The following HTR1E variants were observed in gnomAD, a reference collection of about 807,000 sequenced individuals.
The protein encoded by HTR1E is 5-hydroxytryptamine receptor 1E.
In HTR1E, 3 loss-of-function variants were observed where a neutral mutation model predicts 3.4. The ratio of observed to expected loss-of-function variants is 0.89; its 90% CI spans 0.41 to 2.31. The LOEUF is 2.31. Among genes scored for constraint, HTR1E ranks in the 30% most tolerant of loss-of-function variants. The probability of loss-of-function intolerance (pLI) is 0.05; values close to 1 mark genes in which losing one functional copy is unlikely to be tolerated. For synonymous variants in HTR1E, 170 were observed against 182.8 expected (o/e 0.93, Z 0.56); for missense variants, 392 against 467.0 (o/e 0.84, Z 1.48).
chr6:87,010,701 C>T (rs903647292), intron 1 of HTR1E, among the ~76,000 whole-genome samples: 4 of 144,608 alleles, frequency 2.8e-5, no homozygotes, highest in South Asian at 2.3e-4. Context: ...ACATCCCAGA[C>T]GATGGGCGGC....
At chr6:86,966,481 T>C (rs984935951) in intron 1 of HTR1E, among the ~76,000 whole-genome samples, 28 of 152,316 alleles carry the variant, frequency 1.8e-4, no homozygotes, top group African/African-American at 6.7e-4. Context: ...CTCTGGAATC[T>C]TGGGCAATTG....
intron 1 of HTR1E, among the ~76,000 whole-genome samples, chr6:86,982,597 CA>C (rs1233555632): frequency 6.8e-6 from 1 of 146,014 alleles, no homozygotes; most frequent in African/African-American, 2.7e-5. Flanking sequence ...CTTGTGTCTT[CA>C]GCTTAAATTA....
intron 1 of HTR1E, among the ~76,000 whole-genome samples, chr6:86,958,057 A>ATTTTT (rs1247030477): frequency 7.6e-6 from 1 of 131,220 alleles, no homozygotes. Context: ...CAATAGAGGC[A>ATTTTT]TTTTTTTTTT....
chr6:87,014,968 T>A (rs1224201999), intron 1 of HTR1E, among the ~76,000 whole-genome samples, 182 bp from the exon 2 acceptor site: 1 of 151,846 alleles, frequency 6.6e-6, no homozygotes, highest in African/African-American at 2.4e-5. Flanking sequence ...AAAAAAACAG[T>A]TTGAAAACTT....
At chr6:87,010,859 C>T (rs1007764955) in intron 1 of HTR1E, among the ~76,000 whole-genome samples, 1 of 152,144 alleles carries the variant, frequency 6.6e-6, no homozygotes, top group Non-Finnish European at 1.5e-5. Flanking sequence ...GCCTCCCGGG[C>T]GGCGCTCGCC....
intron 1 of HTR1E, among the ~76,000 whole-genome samples, chr6:86,953,095 TTTG>T (rs1176480595): frequency 7.2e-5 from 11 of 152,196 alleles, no homozygotes; most frequent in Admixed American, 1.3e-4. Flanking sequence ...TTTACATAGC[TTTG>T]TTAACTGTAG....
At chr6:86,966,626 G>C (rs937009406) in intron 1 of HTR1E, among the ~76,000 whole-genome samples, 3 of 152,182 alleles carry the variant, frequency 2.0e-5, no homozygotes, top group Non-Finnish European at 4.4e-5. Flanking sequence ...GTAAGTACAG[G>C]GGTGTGTAAG....
intron 1 of HTR1E, among the ~76,000 whole-genome samples, chr6:86,969,840 A>G (rs1264212661): frequency 6.6e-6 from 1 of 152,172 alleles, no homozygotes; most frequent in Non-Finnish European, 1.5e-5. Context: ...GCATGTGCCC[A>G]AGGAGAGCTA....
At chr6:86,958,980 G>A (rs1279085774) in intron 1 of HTR1E, among the ~76,000 whole-genome samples, 2 of 138,276 alleles carry the variant, frequency 1.4e-5, no homozygotes, top group African/African-American at 5.5e-5. Flanking sequence ...GTGTGTGTGT[G>A]TGTACAGAAA....
intron 1 of HTR1E, among the ~76,000 whole-genome samples, chr6:86,996,700 CCAAA>C (rs1360755539): frequency 2.0e-5 from 3 of 151,460 alleles, no homozygotes; most frequent in African/African-American, 4.8e-5. Context: ...TACAATTCAC[CCAAA>C]CAGTTTAAAT....
At chr6:86,963,505 A>G (rs1012891504) in intron 1 of HTR1E, among the ~76,000 whole-genome samples, 2 of 152,216 alleles carry the variant, frequency 1.3e-5, no homozygotes, top group Admixed American at 6.5e-5. Context: ...AGTCTACAGT[A>G]GTGTACAGTA....
chr6:87,015,193 A>G lies in HTR1E; in HGVS notation c.-142A>G. 3 of 541,470 alleles carry G rather than the reference A, an allele frequency of 5.5e-6. No individual in the cohort carries two copies. Among genetic ancestry groups the G allele is most frequent in the Non-Finnish European group, 5.8e-6 (2 of 342,358 alleles). The allele number at this position is 541,470 out of a possible 1,614,324, so 33.5% of individuals were successfully genotyped here. On this transcript the variant is annotated 5_prime_UTR_variant, in exon 2 of 2. Coordinates refer to ENST00000305344, the MANE Select transcript of HTR1E (RefSeq NM_000865.3). ...AATGCTGTGGCCCTTCCCTTTACCA[A>G]CAGAAAATGGAACACAAGAGACCAC... is the stretch of plus-strand genomic sequence containing the variant.
chr6:86,963,042 A>C (rs1767430004), intron 1 of HTR1E, among the ~76,000 whole-genome samples: 1 of 152,174 alleles, frequency 6.6e-6, no homozygotes, highest in Non-Finnish European at 1.5e-5. Flanking sequence ...TTCCAGAAGA[A>C]GGCATTACTA....
At chr6:86,952,816 C>A (rs1479404647) in intron 1 of HTR1E, among the ~76,000 whole-genome samples, 2 of 152,092 alleles carry the variant, frequency 1.3e-5, no homozygotes, top group African/African-American at 4.8e-5. Context: ...TCAGTAAAAC[C>A]ACAAACATTC....
intron 1 of HTR1E, among the ~76,000 whole-genome samples, chr6:86,989,121 C>T (rs1259033523): frequency 6.6e-6 from 1 of 152,128 alleles, no homozygotes; most frequent in Non-Finnish European, 1.5e-5. Context: ...ATACCCCTTA[C>T]CCAAGGCAGC....
intron 1 of HTR1E, among the ~76,000 whole-genome samples, chr6:86,965,213 A>G (rs556918782): frequency 6.6e-6 from 1 of 152,280 alleles, no homozygotes; most frequent in East Asian, 1.9e-4. Context: ...CCTCTGACAG[A>G]GCAAGCCATT....
intron 1 of HTR1E, among the ~76,000 whole-genome samples, chr6:86,951,305 CT>C (rs1400176546): frequency 6.6e-6 from 1 of 152,174 alleles, no homozygotes; most frequent in East Asian, 1.9e-4. Flanking sequence ...TCTTATCAGC[CT>C]TTAACTACGT....
intron 1 of HTR1E, among the ~76,000 whole-genome samples, chr6:86,953,364 G>T (rs1767272219): frequency 6.6e-6 from 1 of 152,120 alleles, no homozygotes; most frequent in South Asian, 2.1e-4. Context: ...GTCAATTTTG[G>T]AGATTGTCTG....
At chr6:86,998,089 T>C (rs1562070805) in intron 1 of HTR1E, among the ~76,000 whole-genome samples, 1 of 152,002 alleles carries the variant, frequency 6.6e-6, no homozygotes, top group Non-Finnish European at 1.5e-5. Flanking sequence ...TCAAAATACA[T>C]GACTCAAAAA....
Sources: gnomAD v4.1 joint callset for allele counts (sites outside exome capture counted in the v4.1 genomes callset) on GRCh38, gnomAD v4.1.1 for gene constraint, MANE v1.5 for transcripts, NCBI Gene and HGNC (gene_info 2026-07-23, HGNC 2026-07-21) for gene names.